PPFIA2: variants seen among roughly 807,000 people sequenced by gnomAD.
PPFIA2 encodes PPFI scaffold protein A2.
Under a neutral mutation model 175.5 loss-of-function variants are expected in PPFIA2, and 46 were observed. That is an observed-to-expected ratio of 0.26 (90% CI 0.21 to 0.34). The LOEUF (loss-of-function observed/expected upper bound fraction) is 0.34. Among genes scored for constraint, PPFIA2 ranks in the 10% least tolerant of loss-of-function variants. The pLI, the probability that PPFIA2 is intolerant of heterozygous loss-of-function variation, is 1.00. For missense variants in PPFIA2, 1,179 were observed against 1,506.1 expected, an observed-to-expected ratio of 0.78 and a Z score of 3.60; for synonymous variants, 568 against 511.4, an observed-to-expected ratio of 1.11 and a Z score of -1.49.
chr12:81,457,688 T>C (rs2053828432), intron 5 of PPFIA2, 77 bp downstream of exon 5: 1 of 795,664 alleles, frequency 1.3e-6, no homozygotes. Flanking sequence ...GCATATATTT[T>C]CTTCTTATAT....
chr12:81,714,568 G>A (rs889041328), intron 3 of PPFIA2, among the ~76,000 whole-genome samples: 2 of 150,908 alleles, frequency 1.3e-5, no homozygotes, highest in Non-Finnish European at 1.5e-5. Context: ...GAATGCCCTC[G>A]AATAGATAAG....
chr12:81,278,536 T>C (rs1193255977), intron 27 of PPFIA2, among the ~76,000 whole-genome samples: 1 of 33,878 alleles, frequency 3.0e-5, no homozygotes, highest in African/African-American at 1.1e-4. Flanking sequence ...TGAGACTCCA[T>C]CTCCAAAAAA....
At chr12:81,535,609 TAA>T in intron 4 of PPFIA2, 1 of 368,946 alleles carries the variant, frequency 2.7e-6, no homozygotes, top group South Asian at 2.1e-5. Flanking sequence ...AAAAAGTTCC[TAA>T]AACAGAACCA....
intron 7 of PPFIA2, among the ~76,000 whole-genome samples, chr12:81,435,236 G>A (rs2048764859): frequency 1.3e-5 from 2 of 152,114 alleles, no homozygotes; most frequent in East Asian, 1.9e-4. Flanking sequence ...ATGTCCTCTG[G>A]TGCATGTCTG....
intron 4 of PPFIA2, among the ~76,000 whole-genome samples, chr12:81,653,304 T>C (rs1284850504): frequency 6.6e-6 from 1 of 152,148 alleles, no homozygotes; most frequent in East Asian, 1.9e-4. Flanking sequence ...TCCAATACCA[T>C]TTTATGCCAC....
chr12:81,592,291 G>A (rs1209339535), intron 4 of PPFIA2, among the ~76,000 whole-genome samples: 1 of 152,100 alleles, frequency 6.6e-6, no homozygotes, highest in Non-Finnish European at 1.5e-5. Flanking sequence ...AACTTGCCTT[G>A]TCTCAGGTAA....
At chr12:81,694,503 T>C (rs188657068) in intron 3 of PPFIA2, among the ~76,000 whole-genome samples, 2 of 152,296 alleles carry the variant, frequency 1.3e-5, no homozygotes, top group East Asian at 1.9e-4. Context: ...CCTGTAGGTG[T>C]ACAGAGTACA....
intron 3 of PPFIA2, among the ~76,000 whole-genome samples, chr12:81,732,505 T>G (rs1297421971): frequency 1.1e-5 from 1 of 92,278 alleles, no homozygotes; most frequent in African/African-American, 3.0e-5. Context: ...ATGGATGATG[T>G]TTTTTTTTAA....
At chr12:81,601,331 T>A (rs1483470455) in intron 4 of PPFIA2, among the ~76,000 whole-genome samples, 3 of 151,898 alleles carry the variant, frequency 2.0e-5, no homozygotes, top group Admixed American at 1.3e-4. Flanking sequence ...ACAACTCAAT[T>A]TTCTCTTCTG....
chr12:81,565,430 G>GC (rs1285495270), intron 4 of PPFIA2, among the ~76,000 whole-genome samples: 1 of 152,100 alleles, frequency 6.6e-6, no homozygotes, highest in African/African-American at 2.4e-5. Flanking sequence ...TCCTCAGCCT[G>GC]CAGATGGCCT....
intron 4 of PPFIA2, among the ~76,000 whole-genome samples, chr12:81,505,353 T>C (rs1429960017): frequency 6.6e-6 from 1 of 151,576 alleles, no homozygotes; most frequent in East Asian, 1.9e-4. Context: ...CAGTTGAATA[T>C]GTTGAAAGTA....
chr12:81,307,169 T>A (rs2049464788), intron 22 of PPFIA2, among the ~76,000 whole-genome samples: 1 of 152,170 alleles, frequency 6.6e-6, no homozygotes, highest in African/African-American at 2.4e-5. Flanking sequence ...AATTATCCTC[T>A]TCTCCTTTAA....
chr12:81,564,851 A>C (rs1292531336), intron 4 of PPFIA2, among the ~76,000 whole-genome samples: 1 of 152,160 alleles, frequency 6.6e-6, no homozygotes, highest in Admixed American at 6.5e-5. Flanking sequence ...GACTGCCCTG[A>C]GTGAGAGTCT....
intron 4 of PPFIA2, among the ~76,000 whole-genome samples, chr12:81,469,911 C>T (rs150858822): frequency 2.7e-4 from 41 of 152,308 alleles, no homozygotes; most frequent in African/African-American, 9.6e-4. Context: ...TCTCTCTCTG[C>T]TATGTGAGGG....
rs35192542 is a variant in PPFIA2 at position 81,442,848 on chromosome 12, C to CATATATAT, written c.570+2700_570+2707dup. Among the ~76,000 whole-genome samples, 72 of 14,078 alleles carry CATATATAT rather than the reference C, an allele frequency of 5.1e-3. 2 individuals are homozygous for CATATATAT. Among genetic ancestry groups the CATATATAT allele is most frequent in the Non-Finnish European group, 5.7e-3 (41 of 7,160 alleles). 9.2% of individuals were successfully genotyped at this position (14,078 alleles called of 152,430 possible). On this transcript the variant is annotated intron_variant, in intron 6 of 32. Coordinates refer to ENST00000549396, the MANE Select transcript of PPFIA2 (RefSeq NM_003625.5). ...GGTTAATTGCATCTTTTTCTGACTT[C>CATATATAT]ATATATATATATATATATATATATA...
intron 22 of PPFIA2, chr12:81,312,055 C>A (rs2051043624): frequency 2.0e-6 from 2 of 1,020,876 alleles, no homozygotes; most frequent in African/African-American, 1.6e-5. Context: ...AGGTCAGAGG[C>A]AGTGCAGCTT....
rs138784127 is a variant in PPFIA2 at position 81,752,311 on chromosome 12, T to C, written c.249+1662A>G. 4.6e-3 allele frequency among the ~76,000 whole-genome samples: 694 copies of C among 152,306 alleles called. 10 individuals are homozygous for C. Among genetic ancestry groups the C allele is most frequent in the African/African-American group, 0.016 (648 of 41,564 alleles). ...AGTGTGACTGGTTCTGGGACCACTTTAACAAGAGAATTAACTAACTCAAAT... is the reference window on the plus strand; with the variant it reads ...AGTGTGACTGGTTCTGGGACCACTTCAACAAGAGAATTAACTAACTCAAAT... On this transcript the variant is annotated intron_variant, in intron 3 of 32. Transcript: ENST00000549396.
chr12:81,668,072 A>T (rs1454628371), intron 4 of PPFIA2, among the ~76,000 whole-genome samples: 4 of 152,102 alleles, frequency 2.6e-5, no homozygotes, highest in Non-Finnish European at 5.9e-5. Flanking sequence ...GGGACATCCC[A>T]TGCTACACAG....
chr12:81,270,569 T>G (rs1324993805), intron 28 of PPFIA2: 1 of 152,190 alleles, frequency 6.6e-6, no homozygotes, highest in Admixed American at 6.5e-5. Context: ...ATCGTGGCGA[T>G]GTTCCTACCC....
Sources: gnomAD v4.1 joint callset for allele counts (sites outside exome capture counted in the v4.1 genomes callset) on GRCh38, gnomAD v4.1.1 for gene constraint, MANE v1.5 for transcripts, NCBI Gene and HGNC (gene_info 2026-07-23, HGNC 2026-07-21) for gene names.